Variants in CENPM observed in about 807,000 individuals in gnomAD.
The protein encoded by CENPM is interphase centromere complex protein 39.
Under a neutral mutation model 19.6 loss-of-function variants are expected in CENPM, and 14 were observed. The ratio of observed to expected loss-of-function variants is 0.71; its 90% CI spans 0.47 to 1.11. The LOEUF (loss-of-function observed/expected upper bound fraction) is 1.11, where lower values mean the gene tolerates loss of function less well. CENPM is among the 50% of genes most tolerant of loss of function. CENPM has a pLI of 0.00. For synonymous variants in CENPM, 114 were observed against 101.5 expected (o/e 1.12, Z -0.74); for missense variants, 239 against 228.4 (o/e 1.05, Z -0.30).
At chr22:41,943,589 C>T in intron 5 of CENPM, 21 bp downstream of exon 5, 1 of 1,606,496 alleles carries the variant, frequency 6.2e-7, no homozygotes, top group Non-Finnish European at 8.5e-7. Context: ...TAGTGTTGGT[C>T]TCTGTGATCA....
chr22:41,930,853 T>C, the CENPM span, among the ~76,000 whole-genome samples: 1 of 150,170 alleles, frequency 6.7e-6, no homozygotes, highest in Non-Finnish European at 1.5e-5. Context: ...TTTTTTTTTT[T>C]TGAGATGGAG....
intron 5 of CENPM, among the ~76,000 whole-genome samples, chr22:41,939,560 G>C (rs1347936281): frequency 6.6e-6 from 1 of 151,988 alleles, no homozygotes; most frequent in Non-Finnish European, 1.5e-5. Flanking sequence ...AGGCAGCTCG[G>C]GCCCCAGATG....
chr22:41,929,095 G>A, the CENPM span, among the ~76,000 whole-genome samples: 14 of 151,274 alleles, frequency 9.3e-5, no homozygotes, highest in Admixed American at 2.0e-4. Context: ...GTGGGTGAGC[G>A]TGGGTGTATG....
chr22:41,941,793 C>A (rs969917312), intron 5 of CENPM, among the ~76,000 whole-genome samples: 2 of 152,224 alleles, frequency 1.3e-5, no homozygotes, highest in Non-Finnish European at 2.9e-5. Flanking sequence ...AAAAAGTAGT[C>A]ATCAACTAGG....
chr22:41,929,121 G>T, the CENPM span, among the ~76,000 whole-genome samples: 3 of 151,506 alleles, frequency 2.0e-5, no homozygotes, highest in Non-Finnish European at 4.4e-5. Flanking sequence ...GTGGGGGTGG[G>T]GGCAGGTGTG....
chr22:41,940,168 G>A (rs5758511), intron 5 of CENPM: 195,944 of 769,292 alleles, frequency 0.25, 27,734 homozygotes, highest in East Asian at 0.46. Flanking sequence ...TCCCACACTC[G>A]GCCCATGCAC....
Position 41,939,176 on chromosome 22 carries a change from G to T in CENPM, c.423C>A (p.Thr141=). Residue 141 remains threonine (T), a synonymous_variant, in exon 6 of 6, where the codon ACC becomes ACA. Coordinates refer to ENST00000215980, the MANE Select transcript of CENPM (RefSeq NM_024053.5). The stretch of plus-strand genomic sequence containing the variant: ...GCACGCGCACCAGGCGCTGCGCCAT[G>T]GTGGCCCTAAAGCCTTCCACCTGCG... ...CDLEVEGFRA[T]MAQRLVRVLQ... The T allele has an allele frequency of 6.2e-7, 1 of 1,611,888 alleles. No homozygotes were observed.
intron 4 of CENPM, chr22:41,944,884 C>A: frequency 1.8e-6 from 2 of 1,112,920 alleles, no homozygotes; most frequent in Non-Finnish European, 2.2e-6. Flanking sequence ...GAAAGGCTGA[C>A]AACAGGTCAG....
chr22:41,939,131 G>C lies in CENPM; in HGVS notation c.468C>G (p.His156Gln), dbSNP rs767807033. 6.2e-7 allele frequency: 1 copy of C among 1,612,924 alleles called. No homozygotes were observed. The highest frequency in any genetic ancestry group is 2.2e-5 in the East Asian group (1 of 44,888). ...LVRVLQICAG[H>Q]VPGVSALNLL... ...GGTTCAGAGCTGAGACACCGGGCAC[G>C]TGGCCAGCACAGATCTGCAGCACGC... is the stretch of plus-strand genomic sequence containing the variant. The change falls in exon 6 of 6, where the codon CAC (histidine) becomes CAG (glutamine). Residue 156 changes from histidine (H) to glutamine (Q), a missense_variant. Coordinates refer to ENST00000215980, the MANE Select transcript of CENPM (RefSeq NM_024053.5).
chr22:41,929,014 G>A, the CENPM span, among the ~76,000 whole-genome samples: 1 of 151,996 alleles, frequency 6.6e-6, no homozygotes, highest in Admixed American at 6.5e-5. Flanking sequence ...CTGTACATGG[G>A]CCAGCAGCTC....
chr22:41,940,965 T>C (rs1302073159), intron 5 of CENPM, among the ~76,000 whole-genome samples: 1 of 152,188 alleles, frequency 6.6e-6, no homozygotes, highest in East Asian at 1.9e-4. Flanking sequence ...ACTTTGCTCA[T>C]GACATCCAAG....
At chr22:41,946,049 C>T (rs2077797560) in intron 2 of CENPM, 44 bp from the exon 3 acceptor site, 3 of 1,510,020 alleles carry the variant, frequency 2.0e-6, no homozygotes, top group African/African-American at 2.7e-5. Context: ...CCGTACCCCC[C>T]TCATAGCGAC....
chr22:41,933,964 T>A (rs1000059379), downstream of CENPM, among the ~76,000 whole-genome samples: 1 of 152,168 alleles, frequency 6.6e-6, no homozygotes, highest in African/African-American at 2.4e-5. Context: ...GGAGTCAGGC[T>A]CTTCAGTTTC....
intron 5 of CENPM, among the ~76,000 whole-genome samples, chr22:41,939,852 G>GAA (rs1569425846): frequency 1.5e-3 from 14 of 9,462 alleles, no homozygotes; most frequent in African/African-American, 8.0e-3. Flanking sequence ...AAGAAAGAAA[G>GAA]AAAGAAAGAA....
chr22:41,946,660 C>T (rs1323293742), intron 1 of CENPM, 164 bp from the exon 2 acceptor site: 1 of 635,688 alleles, frequency 1.6e-6, no homozygotes, highest in Non-Finnish European at 2.7e-6. Flanking sequence ...GGCTGGGGGC[C>T]TGAGGTTTGG....
downstream of CENPM, among the ~76,000 whole-genome samples, chr22:41,934,486 C>T (rs1201718284): frequency 6.6e-6 from 1 of 152,218 alleles, no homozygotes; most frequent in African/African-American, 2.4e-5. Flanking sequence ...GCCTTCGCCC[C>T]CCCATTCCCA....
chr22:41,927,633 G>A, the CENPM span, among the ~76,000 whole-genome samples: 9 of 151,182 alleles, frequency 6.0e-5, no homozygotes, highest in Non-Finnish European at 8.8e-5. Context: ...CCGAGTAACT[G>A]GGATTACAGG....
the CENPM span, among the ~76,000 whole-genome samples, chr22:41,928,631 G>T: frequency 6.6e-6 from 1 of 152,248 alleles, no homozygotes; most frequent in East Asian, 1.9e-4. This position sits in a 1 kb window ranked among gnomAD's most constrained non-coding sequence, Gnocchi z 4.0. Context: ...AGGGGCTAAG[G>T]CTTGGAGAGA....
downstream of CENPM, among the ~76,000 whole-genome samples, chr22:41,933,913 C>T (rs879860151): frequency 1.6e-4 from 24 of 152,338 alleles, no homozygotes; most frequent in Middle Eastern, 3.4e-3. Context: ...CCTGCCAGCC[C>T]GTACCGAGCC....
Sources: gnomAD v4.1 joint callset for allele counts (sites outside exome capture counted in the v4.1 genomes callset) on GRCh38, gnomAD v4.1.1 for gene constraint, Gnocchi (gnomAD v3.1) non-coding constraint, MANE v1.5 for transcripts, NCBI Gene and HGNC (gene_info 2026-07-23, HGNC 2026-07-21) for gene names.